SSBP2: variants seen among roughly 807,000 people sequenced by gnomAD.
SSBP2 encodes the protein single-stranded DNA-binding protein 2.
SSBP2 carries 17 observed loss-of-function variants against 61.8 expected under a neutral mutation model. The observed-to-expected ratio is 0.28, with a 90% confidence interval of 0.19 to 0.41. The LOEUF (loss-of-function observed/expected upper bound fraction) is 0.41. Among genes scored for constraint, SSBP2 ranks in the 10% least tolerant of loss-of-function variants. The pLI, the probability that SSBP2 is intolerant of heterozygous loss-of-function variation, is 1.00. For missense variants in SSBP2, 310 were observed against 458.7 expected (o/e 0.68, Z 2.96); for synonymous variants, 139 against 141.3 (o/e 0.98, Z 0.12).
At chr5:81,615,721 A>C (rs547529813) in intron 3 of SSBP2, among the ~76,000 whole-genome samples, 164 bp from the exon 4 acceptor site, 1 of 152,352 alleles carries the variant, frequency 6.6e-6, no homozygotes, top group South Asian at 2.1e-4. Flanking sequence ...TTCATGCAAT[A>C]ACAGTGTTAC....
intron 14 of SSBP2, among the ~76,000 whole-genome samples, chr5:81,440,302 G>C (rs191359618): frequency 1.8e-3 from 268 of 152,232 alleles, no homozygotes; most frequent in African/African-American, 6.2e-3. Flanking sequence ...TCCTTTTATG[G>C]TAAGACATGA....
At chr5:81,615,158 T>A (rs778133403) in intron 4 of SSBP2, 44 of 194,574 alleles carry the variant, frequency 2.3e-4, no homozygotes, top group Non-Finnish European at 4.5e-4. Context: ...TAATGAATGT[T>A]TTTGTAGAAT....
At chr5:81,486,553 T>C (rs1187242693) in intron 6 of SSBP2, among the ~76,000 whole-genome samples, 1 of 152,138 alleles carries the variant, frequency 6.6e-6, no homozygotes, top group Non-Finnish European at 1.5e-5. Flanking sequence ...ACTTATATAA[T>C]ATACAAAGCT....
At chr5:81,648,103 G>A (rs889793437) in intron 2 of SSBP2, among the ~76,000 whole-genome samples, 2 of 152,012 alleles carry the variant, frequency 1.3e-5, no homozygotes, top group East Asian at 3.9e-4. Context: ...AGTTTCTACT[G>A]CATTAAAACA....
intron 4 of SSBP2, among the ~76,000 whole-genome samples, chr5:81,595,547 A>T (rs939185148): frequency 6.6e-6 from 1 of 152,192 alleles, no homozygotes; most frequent in African/African-American, 2.4e-5. Context: ...AAAAAAGAGA[A>T]TTTTAGACCA....
In SSBP2 at chr5:81,543,205, C is replaced by T. The variant is rs893843793; in HGVS notation, c.283-29488G>A. On this transcript the variant is annotated intron_variant, in intron 4 of 16. Coordinates refer to ENST00000320672, the MANE Select transcript of SSBP2 (RefSeq NM_012446.5). ...CCTTGTGAAGAAGGTGCCTACTTCCCCTTCCACCACGATTGTAAGTTTCCT... is the reference window on the plus strand; with the variant it reads ...CCTTGTGAAGAAGGTGCCTACTTCCTCTTCCACCACGATTGTAAGTTTCCT... 4.2e-4 allele frequency among the ~76,000 whole-genome samples: 64 copies of T among 152,184 alleles called. 1 individual carries two copies. Among genetic ancestry groups the T allele is most frequent in the African/African-American group, 1.4e-3 (57 of 41,542 alleles).
rs894039235 is a variant in SSBP2, at chr5:81,490,899, G to A, written c.373-1590C>T. On this transcript the variant is annotated intron_variant, in intron 5 of 16. Transcript: ENST00000320672. ...GTCACCTCCAGCTGATAAAACTTAA[G>A]TAGATTTTCCAATTTTAACAAAGTT... 1.5e-4 allele frequency among the ~76,000 whole-genome samples: 23 copies of A among 152,318 alleles called. 1 individual carries two copies. The highest frequency in any genetic ancestry group is 4.8e-4 in the African/African-American group (20 of 41,584).
chr5:81,750,496 G>A (rs1231361304), intron 1 of SSBP2, among the ~76,000 whole-genome samples: 1 of 124,730 alleles, frequency 8.0e-6, no homozygotes, highest in Non-Finnish European at 1.7e-5. Context: ...CCAGGCCCCC[G>A]CCGCCGCGCT....
chr5:81,616,794 C>G (rs941765120), intron 3 of SSBP2, among the ~76,000 whole-genome samples: 1 of 151,858 alleles, frequency 6.6e-6, no homozygotes, highest in Non-Finnish European at 1.5e-5. Flanking sequence ...GTCCCTGACC[C>G]CTGTGCCCCG....
At position 81,750,004 on chromosome 5, in the gene SSBP2, C is replaced by A. The variant is rs577479402; in HGVS notation, c.62+977G>T. ...CGGGCGCCCCCGGCGGCTCCCACAACTCCCCTCCGCGCGCCCCCGACCACC... is the reference window on the plus strand; with the variant it reads ...CGGGCGCCCCCGGCGGCTCCCACAAATCCCCTCCGCGCGCCCCCGACCACC... On this transcript the variant is annotated intron_variant, in intron 1 of 16. Coordinates refer to ENST00000320672, the MANE Select transcript of SSBP2 (RefSeq NM_012446.5). Among the ~76,000 whole-genome samples the A allele has an allele frequency of 2.2e-3, 331 of 151,884 alleles. 2 individuals are homozygous for A. Among genetic ancestry groups the A allele is most frequent in the African/African-American group, 7.5e-3 (313 of 41,486 alleles).
At chr5:81,702,964 A>G (rs1305060369) in intron 1 of SSBP2, among the ~76,000 whole-genome samples, 1 of 152,214 alleles carries the variant, frequency 6.6e-6, no homozygotes, top group African/African-American at 2.4e-5. Flanking sequence ...ATAAGAGCAG[A>G]TATTACACAC....
chr5:81,614,359 CA>C (rs10659647), intron 4 of SSBP2, among the ~76,000 whole-genome samples: 12,493 of 72,958 alleles, frequency 0.17, 806 homozygotes, highest in African/African-American at 0.44. Context: ...GACTCCGTCT[CA>C]AAAAAAAAAA....
chr5:81,493,611 C>G (rs960027694), intron 5 of SSBP2, among the ~76,000 whole-genome samples: 1 of 152,070 alleles, frequency 6.6e-6, no homozygotes, highest in Non-Finnish European at 1.5e-5. Flanking sequence ...AAAAAATTAG[C>G]CAGATGTGGT....
At chr5:81,599,113 T>C (rs985532678) in intron 4 of SSBP2, among the ~76,000 whole-genome samples, 10 of 152,270 alleles carry the variant, frequency 6.6e-5, no homozygotes, top group East Asian at 1.9e-4. Context: ...TGGGGATGTA[T>C]AGCAAAAGGA....
At chr5:81,508,356 T>C (rs1768339268) in intron 5 of SSBP2, among the ~76,000 whole-genome samples, 1 of 152,134 alleles carries the variant, frequency 6.6e-6, no homozygotes, top group East Asian at 1.9e-4. Flanking sequence ...CTTATACAAA[T>C]TACTCATTTG....
Position 81,515,007 on chromosome 5 carries a change from C to T in SSBP2, c.283-1290G>A, listed in dbSNP as rs138301152. Among the ~76,000 whole-genome samples, 500 of 151,902 alleles carry T rather than the reference C, an allele frequency of 3.3e-3. 5 individuals are homozygous for T. The highest frequency in any genetic ancestry group is 0.018 in the East Asian group (95 of 5,156). On this transcript the variant is annotated intron_variant, in intron 4 of 16. Coordinates refer to ENST00000320672, the MANE Select transcript of SSBP2 (RefSeq NM_012446.5). ...ATGGATCTATTATTCTAAGAAAAAC[C>T]ATGCAATTTCAATTAGCGCACATTA...
At chr5:81,733,671 T>C (rs190267956) in intron 1 of SSBP2, among the ~76,000 whole-genome samples, 90 of 152,332 alleles carry the variant, frequency 5.9e-4, no homozygotes, top group African/African-American at 2.0e-3. Context: ...CTATATTTTA[T>C]TGATTCCCTT....
intron 1 of SSBP2, among the ~76,000 whole-genome samples, chr5:81,732,240 T>C (rs948196826): frequency 6.6e-6 from 1 of 152,196 alleles, no homozygotes; most frequent in Non-Finnish European, 1.5e-5. Flanking sequence ...ATGAAAACTA[T>C]AATTCTCTTT....
intron 2 of SSBP2, among the ~76,000 whole-genome samples, chr5:81,647,910 T>C (rs1374259089): frequency 6.6e-6 from 1 of 152,146 alleles, no homozygotes; most frequent in African/African-American, 2.4e-5. Flanking sequence ...TGAATCCAAA[T>C]ACTTGAACGT....
Sources: gnomAD v4.1 joint callset for allele counts (sites outside exome capture counted in the v4.1 genomes callset) on GRCh38, gnomAD v4.1.1 for gene constraint, MANE v1.5 for transcripts, NCBI Gene and HGNC (gene_info 2026-07-23, HGNC 2026-07-21) for gene names.